Variants in WDR72 observed in about 807,000 individuals in gnomAD.
WDR72 encodes WD repeat domain 72.
WDR72 carries 120 observed loss-of-function variants against 124.2 expected under a neutral mutation model. That is an observed-to-expected ratio of 0.97 (90% CI 0.83 to 1.12). WDR72 has a LOEUF of 1.12. Ranked by LOEUF, WDR72 falls within the 50% of genes most tolerant of loss-of-function variation. The pLI, the probability that WDR72 is intolerant of heterozygous loss-of-function variation, is 0.00. For missense variants in WDR72, 1,387 were observed against 1,278.8 expected (o/e 1.08, Z -1.29); for synonymous variants, 452 against 441.7 (o/e 1.02, Z -0.29).
chr15:53,716,232 T>C (rs28519624), intron 4 of WDR72, among the ~76,000 whole-genome samples: 7,233 of 152,144 alleles, frequency 0.048, 606 homozygotes, highest in African/African-American at 0.17. Flanking sequence ...AAACATAGGG[T>C]TTAAAATTGG....
intron 14 of WDR72, among the ~76,000 whole-genome samples, chr15:53,661,053 A>G (rs902139194): frequency 1.3e-5 from 2 of 152,144 alleles, no homozygotes; most frequent in African/African-American, 4.8e-5. Flanking sequence ...TAATGTTTTT[A>G]TTGGAATACA....
intron 18 of WDR72, among the ~76,000 whole-genome samples, chr15:53,531,763 C>T (rs1892482207): frequency 1.1e-5 from 1 of 94,310 alleles, no homozygotes; most frequent in African/African-American, 3.2e-5. Flanking sequence ...TATTGGAGAG[C>T]TAAGAAATAG....
At chr15:53,736,690 G>T (rs1273897495) in intron 1 of WDR72, among the ~76,000 whole-genome samples, 2 of 152,282 alleles carry the variant, frequency 1.3e-5, no homozygotes, top group African/African-American at 4.8e-5. Context: ...GTAATCAGAT[G>T]TAGTAAAGGA....
intron 11 of WDR72, among the ~76,000 whole-genome samples, 179 bp downstream of exon 11, chr15:53,704,809 G>A (rs1446091308): frequency 1.2e-5 from 1 of 84,464 alleles, no homozygotes; most frequent in African/African-American, 5.1e-5. Flanking sequence ...TAGGATTACA[G>A]GGAGTTTAAA....
intron 2 of WDR72, among the ~76,000 whole-genome samples, chr15:53,723,960 A>G (rs2017948424): frequency 6.6e-6 from 1 of 152,332 alleles, no homozygotes; most frequent in Non-Finnish European, 1.5e-5. Context: ...ACACAATGGA[A>G]TAGTATACAG....
At chr15:53,570,446 T>G (rs1164565931) in intron 18 of WDR72, among the ~76,000 whole-genome samples, 5 of 152,022 alleles carry the variant, frequency 3.3e-5, no homozygotes, top group Non-Finnish European at 2.9e-5. Context: ...CAGACACTTC[T>G]CAAAAGAAGA....
At chr15:53,664,588 T>C (rs2015715113) in intron 14 of WDR72, among the ~76,000 whole-genome samples, 1 of 152,170 alleles carries the variant, frequency 6.6e-6, no homozygotes. Context: ...AGTATATTAC[T>C]AGCCTTCAAA....
chr15:53,644,860 C>G (rs1285786382), intron 14 of WDR72, among the ~76,000 whole-genome samples: 1 of 152,022 alleles, frequency 6.6e-6, no homozygotes, highest in Non-Finnish European at 1.5e-5. Context: ...ACAATAGAGA[C>G]AACATTACCA....
chr15:53,574,569 T>G (rs1894682558), intron 18 of WDR72, among the ~76,000 whole-genome samples: 1 of 152,108 alleles, frequency 6.6e-6, no homozygotes, highest in Non-Finnish European at 1.5e-5. Context: ...AGCTTTAGGG[T>G]TCTTTCATAC....
chr15:53,565,955 G>A (rs1263840429), intron 18 of WDR72, among the ~76,000 whole-genome samples: 2 of 151,866 alleles, frequency 1.3e-5, no homozygotes, highest in African/African-American at 2.4e-5. Flanking sequence ...ATAAATCAAG[G>A]GTTTTAAGAG....
At chr15:53,707,283 A>G (rs2017407638) in intron 9 of WDR72, among the ~76,000 whole-genome samples, 1 of 152,218 alleles carries the variant, frequency 6.6e-6, no homozygotes, top group Non-Finnish European at 1.5e-5. Context: ...CAACAAAGCT[A>G]TGTAGTAAGT....
chr15:53,744,178 C>A (rs930585491), intron 1 of WDR72, among the ~76,000 whole-genome samples: 1 of 152,100 alleles, frequency 6.6e-6, no homozygotes, highest in Admixed American at 6.5e-5. Flanking sequence ...AGCATGCCAT[C>A]GTACATAATG....
intron 1 of WDR72, among the ~76,000 whole-genome samples, chr15:53,739,954 T>A (rs946998805): frequency 6.6e-6 from 1 of 152,172 alleles, no homozygotes; most frequent in Non-Finnish European, 1.5e-5. Context: ...CCCTGCTGAG[T>A]AGAACAGTAG....
At chr15:53,727,752 G>C (rs2018083983) in intron 2 of WDR72, among the ~76,000 whole-genome samples, 1 of 152,094 alleles carries the variant, frequency 6.6e-6, no homozygotes, top group Admixed American at 6.5e-5. Flanking sequence ...GAACATCATG[G>C]CCTTTCATAT....
At chr15:53,655,821 T>C (rs958830589) in intron 14 of WDR72, among the ~76,000 whole-genome samples, 1 of 152,128 alleles carries the variant, frequency 6.6e-6, no homozygotes. Flanking sequence ...GCCTCCTGAG[T>C]AGCTGGGATT....
intron 17 of WDR72, among the ~76,000 whole-genome samples, chr15:53,600,168 G>C (rs1244226429): frequency 1.3e-5 from 2 of 152,092 alleles, no homozygotes; most frequent in Admixed American, 1.3e-4. Context: ...AATTGAAATA[G>C]ATTCTGCAGA....
intron 13 of WDR72, among the ~76,000 whole-genome samples, chr15:53,686,461 A>T (rs938203522): frequency 1.3e-5 from 2 of 151,062 alleles, no homozygotes; most frequent in South Asian, 4.2e-4. Flanking sequence ...AAAGAGACAA[A>T]GAAGGCCATT....
At chr15:53,554,241 GT>G (rs1296400554) in intron 18 of WDR72, among the ~76,000 whole-genome samples, 2 of 151,864 alleles carry the variant, frequency 1.3e-5, no homozygotes, top group Non-Finnish European at 2.9e-5. Context: ...GAGCCATTTG[GT>G]AAAATAACAT....
At chr15:53,684,356 C>G (rs867877754) in intron 13 of WDR72, 1 of 146,494 alleles carries the variant, frequency 6.8e-6, no homozygotes, top group African/African-American at 2.7e-5. Flanking sequence ...GTGTGCGCAC[C>G]GTGCATGAGC....
Sources: gnomAD v4.1 joint callset for allele counts (sites outside exome capture counted in the v4.1 genomes callset) on GRCh38, gnomAD v4.1.1 for gene constraint, MANE v1.5 for transcripts, NCBI Gene and HGNC (gene_info 2026-07-23, HGNC 2026-07-21) for gene names.